The following CHD1 variants were observed in gnomAD, a reference collection of about 807,000 sequenced individuals.
CHD1 encodes ATP-dependent chromatin remodeler CHD1.
Under a neutral mutation model 224.2 loss-of-function variants are expected in CHD1, and 36 were observed. That is an observed-to-expected ratio of 0.16 (90% CI 0.12 to 0.21). CHD1 has a LOEUF of 0.21. Ranked by LOEUF, CHD1 falls within the 10% of genes least tolerant of loss-of-function variation. The pLI is 1.00. For missense variants in CHD1, 1,378 were observed against 1,994.8 expected (o/e 0.69, Z 5.89); for synonymous variants, 668 against 658.3 (o/e 1.01, Z -0.23).
intron 17 of CHD1, 159 bp from the exon 18 acceptor site, chr5:98,885,808 G>T (rs1750613116): frequency 3.5e-6 from 2 of 564,854 alleles, no homozygotes; most frequent in Non-Finnish European, 3.2e-6. Flanking sequence ...CAGGCATTCT[G>T]TCTTTAGTCT....
intron 32 of CHD1, among the ~76,000 whole-genome samples, chr5:98,861,440 T>C (rs1030915459): frequency 6.6e-6 from 1 of 152,148 alleles, no homozygotes; most frequent in Non-Finnish European, 1.5e-5. Flanking sequence ...TGAAAAAAAT[T>C]GTAAGCAAAA....
intron 23 of CHD1, among the ~76,000 whole-genome samples, chr5:98,879,329 C>A (rs1580404136): frequency 6.6e-6 from 1 of 151,886 alleles, no homozygotes; most frequent in East Asian, 1.9e-4. Flanking sequence ...AAATTAAAAA[C>A]ACACACACAC....
At chr5:98,902,493 G>A (rs1194506539) in intron 5 of CHD1, among the ~76,000 whole-genome samples, 1 of 152,000 alleles carries the variant, frequency 6.6e-6, no homozygotes, top group East Asian at 1.9e-4. Context: ...TCTAAAATGA[G>A]TTCTACGGTA....
intron 2 of CHD1, among the ~76,000 whole-genome samples, chr5:98,915,211 G>A (rs952705521): frequency 3.3e-5 from 5 of 152,148 alleles, no homozygotes; most frequent in Non-Finnish European, 1.5e-5. Flanking sequence ...CTTCTCATTT[G>A]TACAACTCTG....
rs330420 is a variant in CHD1 at position 98,858,482 on chromosome 5, T to C, written c.4577-92A>G. On this transcript the variant is annotated intron_variant, in intron 34 of 35. Coordinates refer to ENST00000614616, the MANE Select transcript of CHD1 (RefSeq NM_001270.4). ...AGATAACAAGAATTCGTTTCAACCC[T>C]TGCCAAAACAAAATCGGTTCCCAAA... 2,843 of 1,000,698 alleles carry C rather than the reference T, an allele frequency of 2.8e-3. 48 individuals are homozygous for C. In the African/African-American group the frequency reaches 0.041, roughly 14 times the overall value. The allele number at this position is 1,000,698 out of a possible 1,614,324, so 62.0% of individuals were successfully genotyped here. A position where few individuals can be genotyped will look rare whatever the true frequency, so the allele number is the denominator to read the frequency against.
intron 16 of CHD1, 54 bp downstream of exon 16, chr5:98,889,022 A>G: frequency 7.8e-7 from 1 of 1,289,450 alleles, no homozygotes; most frequent in Admixed American, 2.1e-5. Flanking sequence ...ATTGTAAGTG[A>G]AATCAACATT....
Position 98,926,318 on chromosome 5 carries a change from CA to C in CHD1, c.53+15del. 6.8e-7 allele frequency: 1 copy of C among 1,463,790 alleles called. No individual in the cohort carries two copies. The highest frequency in any genetic ancestry group is 9.3e-7 in the Non-Finnish European group (1 of 1,080,040). The allele number at this position is 1,463,790 out of a possible 1,614,324, so 90.7% of individuals were successfully genotyped here. A position where few individuals can be genotyped will look rare whatever the true frequency, so the allele number is the denominator to read the frequency against. On this transcript the variant is annotated intron_variant, in intron 2 of 35. Transcript: ENST00000614616. Reference sequence around the variant, plus strand: ...TCTCTTCATAGTAAACAATTGATAACAAAGTGCTTACTTACCTTGATTCTCC... The same window carrying C: ...TCTCTTCATAGTAAACAATTGATAACAAGTGCTTACTTACCTTGATTCTCC...
At chr5:98,879,441 G>A (rs1023952601) in intron 23 of CHD1, 111 bp downstream of exon 23, 1 of 839,746 alleles carries the variant, frequency 1.2e-6, no homozygotes, top group African/African-American at 1.8e-5. Flanking sequence ...ATCAAATCAA[G>A]GCCATTACAA....
chr5:98,915,772 GAAATA>G (rs1752692742), intron 2 of CHD1, among the ~76,000 whole-genome samples: 1 of 152,110 alleles, frequency 6.6e-6, no homozygotes, highest in Non-Finnish European at 1.5e-5. Context: ...ATTGGGCTAT[GAAATA>G]AAATATGTTG....
At chr5:98,875,964 A>G (rs1445055887) in intron 24 of CHD1, among the ~76,000 whole-genome samples, 1 of 152,194 alleles carries the variant, frequency 6.6e-6, no homozygotes, top group Non-Finnish European at 1.5e-5. Context: ...CTACTTGAAC[A>G]TATCAGAAAT....
intron 2 of CHD1, among the ~76,000 whole-genome samples, chr5:98,912,508 T>C (rs1430424097): frequency 6.6e-6 from 1 of 151,812 alleles, no homozygotes; most frequent in Non-Finnish European, 1.5e-5. Context: ...CCATCTCTAC[T>C]AAAAATACAA....
chr5:98,863,645 G>C, intron 31 of CHD1, 59 bp from the exon 32 acceptor site: 1 of 1,137,634 alleles, frequency 8.8e-7, no homozygotes, highest in Non-Finnish European at 1.3e-6. Context: ...ATTCAACAAG[G>C]TCTACCTCCT....
chr5:98,879,753 G>A (rs756553487), intron 22 of CHD1, 25 bp from the exon 23 acceptor site: 8 of 1,511,596 alleles, frequency 5.3e-6, no homozygotes, highest in Non-Finnish European at 7.1e-6. Context: ...AATTTTAAGA[G>A]TAACTGTTAC....
intron 15 of CHD1, among the ~76,000 whole-genome samples, chr5:98,890,267 G>C (rs970130968): frequency 3.3e-5 from 5 of 152,082 alleles, no homozygotes; most frequent in Non-Finnish European, 7.4e-5. Flanking sequence ...GAAGGGACTT[G>C]AAAGTCTCAA....
intron 2 of CHD1, among the ~76,000 whole-genome samples, chr5:98,906,917 T>C (rs1376544941): frequency 2.0e-5 from 3 of 152,336 alleles, no homozygotes; most frequent in Non-Finnish European, 4.4e-5. Flanking sequence ...AATGGATATT[T>C]ATGAAACTCA....
intron 15 of CHD1, among the ~76,000 whole-genome samples, chr5:98,890,752 T>C (rs1346099545): frequency 6.6e-6 from 1 of 152,200 alleles, no homozygotes; most frequent in Non-Finnish European, 1.5e-5. Context: ...TACATCTACC[T>C]ACCAATCTGT....
intron 4 of CHD1, 148 bp downstream of exon 4, chr5:98,903,644 G>T (rs1751865546): frequency 3.0e-6 from 2 of 673,408 alleles, no homozygotes; most frequent in Non-Finnish European, 5.2e-6. Flanking sequence ...TGCAAAATCT[G>T]TATTTCAAGA....
At chr5:98,918,158 T>C (rs1752865524) in intron 2 of CHD1, among the ~76,000 whole-genome samples, 2 of 151,584 alleles carry the variant, frequency 1.3e-5, no homozygotes, top group Admixed American at 6.6e-5. Flanking sequence ...CCTGGGTTCA[T>C]GCCATTCTCC....
At chr5:98,918,574 C>G (rs1312287625) in intron 2 of CHD1, among the ~76,000 whole-genome samples, 4 of 150,588 alleles carry the variant, frequency 2.7e-5, no homozygotes, top group African/African-American at 9.7e-5. Flanking sequence ...TCGAGACTAT[C>G]CTGGCCAACA....
Sources: gnomAD v4.1 joint callset for allele counts (sites outside exome capture counted in the v4.1 genomes callset) on GRCh38, gnomAD v4.1.1 for gene constraint, MANE v1.5 for transcripts, NCBI Gene and HGNC (gene_info 2026-07-23, HGNC 2026-07-21) for gene names.